Variants in TBX5 observed in about 807,000 individuals in gnomAD.
The protein encoded by TBX5 is T-box transcription factor 5, also known as T-box transcription factor TBX5.
Under a neutral mutation model 51.1 loss-of-function variants are expected in TBX5, and 8 were observed. That is an observed-to-expected ratio of 0.16 (90% CI 0.09 to 0.28). The LOEUF is 0.28. Among genes scored for constraint, TBX5 ranks in the 10% least tolerant of loss-of-function variants. The pLI, the probability that TBX5 is intolerant of heterozygous loss-of-function variation, is 1.00. For missense variants in TBX5, 589 were observed against 671.7 expected (o/e 0.88, Z 1.36); for synonymous variants, 302 against 266.4 (o/e 1.13, Z -1.30).
At position 114,365,966 on chromosome 12, in the gene TBX5, A is replaced by G. The variant is rs188826645; in HGVS notation, c.982+199T>C. 2.7e-4 allele frequency: 179 copies of G among 674,646 alleles called. 1 individual carries two copies. In the African/African-American group the frequency reaches 2.7e-3, roughly 10 times the overall value. The allele number at this position is 674,646 out of a possible 1,614,324, so 41.8% of individuals were successfully genotyped here. A position where few individuals can be genotyped will look rare whatever the true frequency, so the allele number is the denominator to read the frequency against. ...AGCTTTCTCCAAAGGAGGGGCTGGA[A>G]CTGGGGGTAGGAACATGTCAAGGGA... On this transcript the variant is annotated intron_variant, in intron 8 of 8. Coordinates refer to ENST00000405440, the MANE Select transcript of TBX5 (RefSeq NM_181486.4).
chr12:114,387,492 G>A (rs188207942), intron 6 of TBX5, among the ~76,000 whole-genome samples: 16 of 152,330 alleles, frequency 1.1e-4, no homozygotes, highest in Admixed American at 2.0e-4. Context: ...AAGGTCAGTG[G>A]TGGCCACAGG....
In TBX5 at chr12:114,385,462, A is replaced by T; in HGVS notation, c.755+14T>A. On this transcript the variant is annotated intron_variant, in intron 7 of 8. Transcript: ENST00000405440. ...TATGTGGGGAGGAGAAAGTTGAGGAATCCACTTTCCTACCTTTGCATTCTT... is the reference window on the plus strand; with the variant it reads ...TATGTGGGGAGGAGAAAGTTGAGGATTCCACTTTCCTACCTTTGCATTCTT... 1 of 1,610,240 alleles carries T rather than the reference A, an allele frequency of 6.2e-7. No homozygotes were observed. Among genetic ancestry groups the T allele is most frequent in the Non-Finnish European group, 8.5e-7 (1 of 1,176,460 alleles).
chr12:114,393,554 G>C (rs1485181365), intron 6 of TBX5, among the ~76,000 whole-genome samples: 1 of 152,162 alleles, frequency 6.6e-6, no homozygotes, highest in Admixed American at 6.5e-5. Context: ...AAGGAACAGA[G>C]GTGAATCCTG....
chr12:114,404,061 C>G, intron 1 of TBX5, 125 bp from the exon 2 acceptor site: 1 of 955,976 alleles, frequency 1.0e-6, no homozygotes, highest in Non-Finnish European at 1.6e-6. Flanking sequence ...GCTACCAGCA[C>G]CTCCGTTCCC....
chr12:114,362,164 T>C (rs1176806373), intron 8 of TBX5, among the ~76,000 whole-genome samples: 1 of 152,052 alleles, frequency 6.6e-6, no homozygotes, highest in East Asian at 1.9e-4. Flanking sequence ...CCATCTCCTG[T>C]TTCAGACCCC....
chr12:114,391,050 C>G (rs965414487), intron 6 of TBX5, among the ~76,000 whole-genome samples: 1 of 152,182 alleles, frequency 6.6e-6, no homozygotes, highest in African/African-American at 2.4e-5. Flanking sequence ...AACCATGTAG[C>G]CTACCTACCT....
upstream of TBX5, among the ~76,000 whole-genome samples, chr12:114,406,712 G>A (rs112877900): frequency 7.2e-3 from 1,096 of 152,262 alleles, 10 homozygotes; most frequent in African/African-American, 0.025. Context: ...ACCCAGTGGG[G>A]CCACCAGACG....
rs1868788877 is a variant in TBX5, at chr12:114,354,940, G to A, written c.*592C>T. On this transcript the variant is annotated 3_prime_UTR_variant, in exon 9 of 9. Transcript: ENST00000405440. ...CTTTTCAGAAACATCACATGGCAGA[G>A]GTAGGTGCTTTTCTTAGTCAAGGGG... 2 of 161,962 alleles carry A rather than the reference G, an allele frequency of 1.2e-5. No individual in the cohort carries two copies. The highest frequency in any genetic ancestry group is 1.2e-4 in the Admixed American group (2 of 16,774). 10.0% of individuals were successfully genotyped at this position (161,962 alleles called of 1,614,324 possible).
chr12:114,362,462 C>T (rs918321728), intron 8 of TBX5, among the ~76,000 whole-genome samples: 1 of 152,082 alleles, frequency 6.6e-6, no homozygotes, highest in Non-Finnish European at 1.5e-5. Flanking sequence ...AGGGGGCAGG[C>T]TCTCCCTCAG....
chr12:114,365,235 C>T (rs1485371247), intron 8 of TBX5, among the ~76,000 whole-genome samples: 4 of 151,268 alleles, frequency 2.6e-5, no homozygotes, highest in Non-Finnish European at 5.9e-5. Context: ...GTTCAAAATC[C>T]ACCTGGGAGA....
intron 6 of TBX5, among the ~76,000 whole-genome samples, chr12:114,390,125 T>A (rs796287816): frequency 1.3e-5 from 2 of 152,224 alleles, no homozygotes; most frequent in Non-Finnish European, 2.9e-5. Flanking sequence ...ATTTCTTATA[T>A]ATTCACTTAG....
intron 6 of TBX5, among the ~76,000 whole-genome samples, chr12:114,389,438 G>C (rs563613518): frequency 6.6e-6 from 1 of 151,862 alleles, no homozygotes; most frequent in Non-Finnish European, 1.5e-5. Flanking sequence ...CTTGCAAAAA[G>C]TTAAGGAGAA....
At chr12:114,360,769 G>A (rs1457234733) in intron 8 of TBX5, among the ~76,000 whole-genome samples, 1 of 151,840 alleles carries the variant, frequency 6.6e-6, no homozygotes, top group Non-Finnish European at 1.5e-5. Flanking sequence ...TTGGTGGGTG[G>A]GTGGATGAGT....
At chr12:114,390,430 G>A (rs758099892) in intron 6 of TBX5, among the ~76,000 whole-genome samples, 21 of 152,168 alleles carry the variant, frequency 1.4e-4, no homozygotes, top group Non-Finnish European at 2.4e-4. Flanking sequence ...ACATAAAACC[G>A]GATATCCGGG....
rs760082444 is a variant in TBX5, at chr12:114,401,861, T to G, written c.207A>C (p.Glu69Asp). ...HERELWLKFH[E>D]VGTEMIITKA... ...TGGTTATGATCATTTCCGTGCCCAC[T>G]TCGTGGAATTTTAGCCACAGTTCTC... Residue 69 changes from glutamate (E) to aspartate (D), a missense_variant, in exon 3 of 9, where the codon GAA becomes GAC. Around this residue, in one of 7 missense-constraint regions of TBX5, gnomAD observed 13 missense variants for 32.0 expected, o/e 0.41. Coordinates refer to ENST00000405440, the MANE Select transcript of TBX5 (RefSeq NM_181486.4). 2.5e-6 allele frequency: 4 copies of G among 1,614,076 alleles called. No homozygotes were observed. In the African/African-American group the frequency reaches 5.3e-5, roughly 22 times the overall value.
chr12:114,372,646 G>T (rs1278717933), intron 7 of TBX5, among the ~76,000 whole-genome samples: 4 of 152,038 alleles, frequency 2.6e-5, no homozygotes, highest in Non-Finnish European at 4.4e-5. Flanking sequence ...TATATGATTT[G>T]AGGGGTGCCA....
chr12:114,363,237 G>A (rs1450239074), intron 8 of TBX5, among the ~76,000 whole-genome samples: 1 of 152,184 alleles, frequency 6.6e-6, no homozygotes, highest in African/African-American at 2.4e-5. Flanking sequence ...GCTGCCAAGT[G>A]TCGTCAACTG....
At position 114,355,885 on chromosome 12, in the gene TBX5, G is replaced by A; in HGVS notation, c.1204C>T (p.Pro402Ser). 1 of 1,613,642 alleles carries A rather than the reference G, an allele frequency of 6.2e-7. No individual in the cohort carries two copies. The highest frequency in any genetic ancestry group is 8.5e-7 in the Non-Finnish European group (1 of 1,180,036). ...SLEDISCNTW[P>S]SMPSYSSCTV... The stretch of plus-strand genomic sequence containing the variant: ...CAGCTGCTGTAGGAAGGCATGCTTG[G>A]CCACGTGTTGCAGCTGATGTCCTCT... Residue 402 changes from proline (P) to serine (S), a missense_variant, in exon 9 of 9, where the codon CCA becomes TCA. This residue lies in a region of TBX5 where 348 missense variants were observed against 360.4 expected (regional missense o/e 0.97). Transcript: ENST00000405440.
rs960432545 is a variant in TBX5, at chr12:114,355,090, G to GA, written c.*441dup. The stretch of plus-strand genomic sequence containing the variant: ...CTGGGTCCCATTAAGAAAATTGAAA[G>GA]AAAAAAATATATTATCATTTATTAT... On this transcript the variant is annotated 3_prime_UTR_variant, in exon 9 of 9. Transcript: ENST00000405440. 8 of 181,486 alleles carry GA rather than the reference G, an allele frequency of 4.4e-5. No individual in the cohort carries two copies. Among genetic ancestry groups the GA allele is most frequent in the Admixed American group, 1.7e-4 (3 of 18,130 alleles). The allele number at this position is 181,486 out of a possible 1,614,324, so 11.2% of individuals were successfully genotyped here. A position where few individuals can be genotyped will look rare whatever the true frequency, so the allele number is the denominator to read the frequency against.
Sources: allele counts gnomAD v4.1 joint callset (sites outside exome capture counted in the v4.1 genomes callset), GRCh38; gene constraint gnomAD v4.1.1; regional missense constraint gnomAD v4.1.1; transcripts MANE v1.5; gene names NCBI Gene and HGNC (gene_info 2026-07-23, HGNC 2026-07-21).